Variants in TOM1L1 observed in about 807,000 individuals in gnomAD.
The protein encoded by TOM1L1 is target of myb1 like 1 membrane trafficking protein, also known as TOM1-like protein 1.
TOM1L1 carries 64 observed loss-of-function variants against 63.4 expected under a neutral mutation model. That is an observed-to-expected ratio of 1.01 (90% CI 0.83 to 1.24). TOM1L1 has a LOEUF of 1.24. TOM1L1 is among the 50% of genes most tolerant of loss of function. The probability of loss-of-function intolerance (pLI) is 0.00; values close to 1 mark genes in which losing one functional copy is unlikely to be tolerated. For synonymous variants in TOM1L1, 166 were observed against 194.4 expected, an observed-to-expected ratio of 0.85 and a Z score of 1.22; for missense variants, 536 against 567.0, an observed-to-expected ratio of 0.95 and a Z score of 0.55.
chr17:54,958,673 T>C (rs564184335), intron 14 of TOM1L1, among the ~76,000 whole-genome samples: 38 of 136,868 alleles, frequency 2.8e-4, no homozygotes, highest in Middle Eastern at 3.9e-3. Flanking sequence ...GAGGCTGCAG[T>C]GAGCTGAGAT....
At chr17:54,914,887 A>G (rs2048562107) in intron 6 of TOM1L1, 144 bp downstream of exon 6, 5 of 698,542 alleles carry the variant, frequency 7.2e-6, no homozygotes, top group Non-Finnish European at 1.0e-5. Context: ...TAGTAATACT[A>G]TGTGACTTAC....
chr17:54,954,032 A>G lies in TOM1L1; in HGVS notation c.1370+3906A>G, dbSNP rs1001055181. On this transcript the variant is annotated intron_variant, in intron 14 of 15. Coordinates refer to ENST00000575882, the MANE Select transcript of TOM1L1 (RefSeq NM_005486.3). The stretch of plus-strand genomic sequence containing the variant: ...GCTTGCTTCCCTCATACCTCTGAGA[A>G]GCATATTCCTATAATGATGAAGCCA... 2.0e-5 allele frequency: 3 copies of G among 152,174 alleles called. No individual in the cohort carries two copies. The East Asian group carries it at 5.8e-4, about 29-fold the overall frequency. The allele number at this position is 152,174 out of a possible 1,614,324, so 9.4% of individuals were successfully genotyped here.
At chr17:54,905,645 A>C in intron 3 of TOM1L1, 78 bp downstream of exon 3, 1 of 913,198 alleles carries the variant, frequency 1.1e-6, no homozygotes, top group South Asian at 1.6e-5. Flanking sequence ...GGTAAAAAAT[A>C]AGAAGCAAGT....
At chr17:54,939,339 A>C (rs2049000806) in intron 11 of TOM1L1, among the ~76,000 whole-genome samples, 1 of 152,210 alleles carries the variant, frequency 6.6e-6, no homozygotes, top group Admixed American at 6.5e-5. Flanking sequence ...CAGGCGATAT[A>C]GCACTTGGTA....
chr17:54,930,845 A>G lies in TOM1L1; in HGVS notation c.854+639A>G, dbSNP rs183079079. ...CAATAGAGTGAGACTCTGTCTCAAG[A>G]ATATAAATAAATAAAATAAATAAAT... On this transcript the variant is annotated intron_variant, in intron 8 of 15. Coordinates refer to ENST00000575882, the MANE Select transcript of TOM1L1 (RefSeq NM_005486.3). 2.8e-3 allele frequency among the ~76,000 whole-genome samples: 424 copies of G among 152,070 alleles called. 1 individual carries two copies. The highest frequency in any genetic ancestry group is 4.8e-3 in the Non-Finnish European group (324 of 67,992).
intron 7 of TOM1L1, among the ~76,000 whole-genome samples, chr17:54,919,280 T>C (rs2048642633): frequency 1.3e-5 from 2 of 152,208 alleles, no homozygotes; most frequent in African/African-American, 2.4e-5. Flanking sequence ...TAAACGGATA[T>C]GTGGCAGATA....
At chr17:54,918,338 A>G (rs1011591515) in intron 7 of TOM1L1, among the ~76,000 whole-genome samples, 3 of 152,188 alleles carry the variant, frequency 2.0e-5, no homozygotes, top group Non-Finnish European at 2.9e-5. Flanking sequence ...ATGCAAACCT[A>G]TACCCAGAGA....
In TOM1L1 at chr17:54,914,758, C is replaced by A; in HGVS notation, c.603+15C>A. 2 of 1,560,540 alleles carry A rather than the reference C, an allele frequency of 1.3e-6. No individual in the cohort carries two copies. The highest frequency in any genetic ancestry group is 1.8e-6 in the Non-Finnish European group (2 of 1,137,224). On this transcript the variant is annotated intron_variant, in intron 6 of 15. Transcript: ENST00000575882. ...TCCCAGAACAGGTAACAACAACAAT[C>A]ATTGCATTTAATTGATGTCTTTTCC...
Position 54,914,623 on chromosome 17 carries a change from T to A in TOM1L1, c.499-16T>A. 1.3e-6 allele frequency: 2 copies of A among 1,593,600 alleles called. No homozygotes were observed. The highest frequency in any genetic ancestry group is 1.7e-6 in the Non-Finnish European group (2 of 1,162,088). On this transcript the variant is annotated splice_polypyrimidine_tract_variant and intron_variant, in intron 5 of 15. Coordinates refer to ENST00000575882, the MANE Select transcript of TOM1L1 (RefSeq NM_005486.3). ...GTTAATTCACATAATAATATTACCA[T>A]GTTTCATACTCATAGACTGCTCAAA... is the stretch of plus-strand genomic sequence containing the variant.
intron 12 of TOM1L1, among the ~76,000 whole-genome samples, chr17:54,948,565 A>G (rs2049158236): frequency 6.6e-6 from 1 of 151,976 alleles, no homozygotes. Context: ...ACATTTCCTG[A>G]CCACGACCTA....
intron 7 of TOM1L1, among the ~76,000 whole-genome samples, chr17:54,927,223 C>T (rs2048783449): frequency 6.6e-6 from 1 of 152,122 alleles, no homozygotes; most frequent in African/African-American, 2.4e-5. Context: ...TTGGGGAATA[C>T]TGGGATGAAG....
chr17:54,935,834 C>T (rs1322931754), intron 8 of TOM1L1, among the ~76,000 whole-genome samples: 1 of 152,098 alleles, frequency 6.6e-6, no homozygotes, highest in Non-Finnish European at 1.5e-5. Flanking sequence ...TAAAAATACA[C>T]AGTGAAGGCC....
intron 3 of TOM1L1, chr17:54,906,907 T>C (rs1318781820): frequency 2.8e-6 from 2 of 705,350 alleles, no homozygotes; most frequent in African/African-American, 3.9e-5. Context: ...CCCAAGACTG[T>C]GCATGGTCAC....
At position 54,937,092 on chromosome 17, in the gene TOM1L1, T is replaced by C. The variant is rs2048960615; in HGVS notation, c.916-17T>C. ...TAAACTACATGACACTTTTTTTTTT[T>C]TTTGCTTTGTTTTCAGACTACCAGT... On this transcript the variant is annotated splice_polypyrimidine_tract_variant and intron_variant, in intron 9 of 15. Transcript: ENST00000575882. 1 of 1,576,200 alleles carries C rather than the reference T, an allele frequency of 6.3e-7. No homozygotes were observed. The highest frequency in any genetic ancestry group is 8.7e-7 in the Non-Finnish European group (1 of 1,154,124).
chr17:54,923,631 T>C (rs7224810), intron 7 of TOM1L1, among the ~76,000 whole-genome samples: 148,993 of 151,848 alleles, frequency 0.98, 73,313 homozygotes, highest in Non-Finnish European at 1. Context: ...CTGCAACCTC[T>C]GCCTCCTGGA....
Position 54,922,116 on chromosome 17 carries a change from C to T in TOM1L1, c.720+6254C>T, listed in dbSNP as rs2048693809. On this transcript the variant is annotated intron_variant, in intron 7 of 15. Coordinates refer to ENST00000575882, the MANE Select transcript of TOM1L1 (RefSeq NM_005486.3). ...GACCATCCTGGCTAATACAGTGAAA[C>T]CCCATCTCTACTAAAAAATACAAAA... 2.0e-5 allele frequency among the ~76,000 whole-genome samples: 3 copies of T among 151,660 alleles called. No homozygotes were observed. In the South Asian group the frequency reaches 6.2e-4, roughly 32 times the overall value.
At chr17:54,944,095 G>T (rs2049078283) in intron 11 of TOM1L1, among the ~76,000 whole-genome samples, 1 of 151,912 alleles carries the variant, frequency 6.6e-6, no homozygotes. Flanking sequence ...ACATTGAAAA[G>T]AAACCACTAA....
At chr17:54,904,212 CA>C in intron 2 of TOM1L1, among the ~76,000 whole-genome samples, 1 of 151,372 alleles carries the variant, frequency 6.6e-6, no homozygotes. Flanking sequence ...CTAAAAAATA[CA>C]AAAAAAATTA....
At chr17:54,926,185 C>T (rs140027699) in intron 7 of TOM1L1, among the ~76,000 whole-genome samples, 10 of 152,258 alleles carry the variant, frequency 6.6e-5, no homozygotes, top group African/African-American at 2.4e-4. Context: ...CACATTTCCC[C>T]ACCACTGTGT....
Sources: allele counts gnomAD v4.1 joint callset (sites outside exome capture counted in the v4.1 genomes callset), GRCh38; gene constraint gnomAD v4.1.1; transcripts MANE v1.5; gene names NCBI Gene and HGNC (gene_info 2026-07-23, HGNC 2026-07-21).